Variants in APOL3 observed in about 807,000 individuals in gnomAD.
The protein encoded by APOL3 is apolipoprotein L3.
A neutral mutation model predicts 11.6 loss-of-function variants in APOL3; 14 were observed. The observed-to-expected ratio is 1.21, with a 90% CI of 0.80 to 1.89. The LOEUF is 1.89. Ranked by LOEUF, APOL3 falls within the 40% of genes most tolerant of loss-of-function variation. The probability of loss-of-function intolerance (pLI) is 0.00; values close to 1 mark genes in which losing one functional copy is unlikely to be tolerated. For synonymous variants in APOL3, 192 were observed against 190.6 expected (o/e 1.01, Z -0.06); for missense variants, 483 against 492.1 (o/e 0.98, Z 0.17).
chr22:36,145,332 C>T, intron 2 of APOL3, 141 bp downstream of exon 3: 2 of 1,119,622 alleles, frequency 1.8e-6, no homozygotes, highest in South Asian at 1.6e-5. Flanking sequence ...AAATATTCCT[C>T]CTGGACTGCT....
chr22:36,141,012 TTC>T lies in APOL3; in HGVS notation c.*186_*187del, dbSNP rs1430120571. On this transcript the variant is annotated 3_prime_UTR_variant, in exon 3 of 3. Coordinates refer to ENST00000349314, the Ensembl canonical transcript of APOL3. ...TATTCCAGGCTCCAGCATTCCTGCC[TTC>T]TCCTTGGTGCACTTGCCATCTGCAT... The T allele has an allele frequency of 7.7e-6, 6 of 776,614 alleles. No homozygotes were observed. In the East Asian group the frequency reaches 1.5e-4, roughly 20 times the overall value. The allele number at this position is 776,614 out of a possible 1,614,324, so 48.1% of individuals were successfully genotyped here. A position where few individuals can be genotyped will look rare whatever the true frequency, so the allele number is the denominator to read the frequency against.
Position 36,160,025 on chromosome 22 carries a change from G to C in APOL3, c.223+644C>G, listed in dbSNP as rs1461551749. The stretch of plus-strand genomic sequence containing the variant: ...GCCTCCCAAGTAGCTGGGATTACTG[G>C]CTTGTGCCACCACGCCCAGCTAATT... On this transcript the variant is annotated intron_variant, in intron 1 of 2. Transcript: ENST00000349314. Among the ~76,000 whole-genome samples the C allele has an allele frequency of 4.6e-5, 7 of 152,280 alleles. No individual in the cohort carries two copies. In the East Asian group the frequency reaches 1.2e-3, roughly 25 times the overall value.
exon 2 of APOL3, chr22:36,145,500 C>G (rs747970402): frequency 6.2e-7 from 1 of 1,614,122 alleles, no homozygotes; most frequent in Non-Finnish European, 8.5e-7. Context: ...AGTCACGAAT[C>G]TCTTCCAGGC....
chr22:36,141,289 C>A lies in APOL3; in HGVS notation c.1120G>T (p.Glu374Ter), dbSNP rs1377265572. The A allele has an allele frequency of 1.2e-6, 2 of 1,614,186 alleles. No individual in the cohort carries two copies. Among genetic ancestry groups the A allele is most frequent in the Non-Finnish European group, 1.7e-6 (2 of 1,180,034 alleles). ...AGCTCCTGAGCCTGCCGCCTCAGCT[C>A]CTCAGCAGATGCAGACTTTGCCCCC... The change falls in exon 3 of 3, where the codon GAG becomes TAG. Residue 374 changes from glutamate to a stop codon, truncating the protein, a stop_gained. Transcript: ENST00000349314. LOFTEE classifies it low-confidence loss of function (END_TRUNC).
At chr22:36,165,802 G>T (rs1308476924), upstream of APOL3, 1 of 152,178 alleles carries the variant, frequency 6.6e-6, no homozygotes, top group African/African-American at 2.4e-5. Context: ...TCAGCAGGAA[G>T]TAGCCAGATT....
intron 1 of APOL3, among the ~76,000 whole-genome samples, chr22:36,152,840 G>T (rs370374602): frequency 6.6e-6 from 1 of 152,178 alleles, no homozygotes; most frequent in Admixed American, 6.5e-5. Flanking sequence ...TAGGCACACT[G>T]GTTCACATCT....
At chr22:36,145,028 A>G (rs565022601) in intron 2 of APOL3, among the ~76,000 whole-genome samples, 11 of 127,732 alleles carry the variant, frequency 8.6e-5, no homozygotes, top group Non-Finnish European at 1.7e-4. Context: ...AAAAAAAAGA[A>G]AAAAAAAGAA....
intron 2 of APOL3, among the ~76,000 whole-genome samples, chr22:36,145,009 C>CA (rs1312228074): frequency 0.021 from 797 of 37,638 alleles, 30 homozygotes; most frequent in South Asian, 0.045. Flanking sequence ...GACTCTGTCT[C>CA]AAAAAAAAAA....
At chr22:36,153,847 A>G (rs1258416755) in intron 1 of APOL3, among the ~76,000 whole-genome samples, 1 of 152,192 alleles carries the variant, frequency 6.6e-6, no homozygotes, top group Non-Finnish European at 1.5e-5. Context: ...ACACTTAGGG[A>G]GCATGAGACA....
At chr22:36,149,413 A>G (rs2146810426) in intron 1 of APOL3, 1 of 1,290,508 alleles carries the variant, frequency 7.7e-7, no homozygotes, top group South Asian at 1.2e-5. Flanking sequence ...GAAGGGATGG[A>G]CATCTGATAA....
chr22:36,144,001 T>A (rs2060095412), intron 2 of APOL3, among the ~76,000 whole-genome samples: 1 of 152,178 alleles, frequency 6.6e-6, no homozygotes, highest in Non-Finnish European at 1.5e-5. Context: ...GTTCCAACTC[T>A]CCAAGCTGGC....
At chr22:36,141,114 C>A in exon 3 of APOL3, 1 of 1,529,592 alleles carries the variant, frequency 6.5e-7, no homozygotes, top group Non-Finnish European at 8.8e-7. Flanking sequence ...CTTTACCTTG[C>A]CCTCTTTATC....
intron 1 of APOL3, among the ~76,000 whole-genome samples, chr22:36,158,557 T>A (rs112534693): frequency 0.13 from 19,500 of 152,238 alleles, 1,438 homozygotes; most frequent in Non-Finnish European, 0.16. Flanking sequence ...CGGTGGCTCA[T>A]GCCTGTAATC....
intron 1 of APOL3, among the ~76,000 whole-genome samples, chr22:36,157,990 C>A (rs988538986): frequency 1.1e-4 from 17 of 152,118 alleles, no homozygotes; most frequent in Non-Finnish European, 2.2e-4. Context: ...GTGGAGGTTG[C>A]AGTGAGCTGA....
At chr22:36,161,048 T>A, upstream of APOL3, 1 of 643,336 alleles carries the variant, frequency 1.6e-6, no homozygotes, top group Non-Finnish European at 2.7e-6. Context: ...TATGAGACCC[T>A]CCAGATTACT....
At chr22:36,153,881 A>C (rs1191679236) in intron 1 of APOL3, among the ~76,000 whole-genome samples, 4 of 152,238 alleles carry the variant, frequency 2.6e-5, no homozygotes. Flanking sequence ...CTTGAGAAAT[A>C]CATCGGTTTG....
intron 1 of APOL3, among the ~76,000 whole-genome samples, chr22:36,155,305 T>G (rs917623947): frequency 4.6e-5 from 7 of 152,210 alleles, no homozygotes; most frequent in Non-Finnish European, 8.8e-5. Context: ...CCGCTGGTCT[T>G]TGCTCCCAGA....
chr22:36,162,016 G>A (rs1006395412), upstream of APOL3, among the ~76,000 whole-genome samples: 2 of 152,148 alleles, frequency 1.3e-5, no homozygotes, highest in East Asian at 1.9e-4. Context: ...TTCTGGCGGC[G>A]GGTGCAGTGT....
At chr22:36,147,666 T>G (rs545309747) in intron 1 of APOL3, among the ~76,000 whole-genome samples, 26 of 152,122 alleles carry the variant, frequency 1.7e-4, no homozygotes, top group Non-Finnish European at 2.9e-4. Flanking sequence ...AGTGCTGACT[T>G]GGGTGAGGGG....
Sources: gnomAD v4.1 joint callset for allele counts (sites outside exome capture counted in the v4.1 genomes callset) on GRCh38, gnomAD v4.1.1 for gene constraint, MANE v1.5 for transcripts, NCBI Gene and HGNC (gene_info 2026-07-23, HGNC 2026-07-21) for gene names.